CRIM1: variants seen among roughly 807,000 people sequenced by gnomAD.
CRIM1 encodes the protein cysteine rich transmembrane BMP regulator 1.
CRIM1 carries 32 observed loss-of-function variants against 116.4 expected under a neutral mutation model. The observed-to-expected ratio is 0.27, with a 90% CI of 0.21 to 0.37. The LOEUF is 0.37. CRIM1 is among the 10% of genes least tolerant of loss of function. The pLI, the probability that CRIM1 is intolerant of heterozygous loss-of-function variation, is 1.00. For synonymous variants in CRIM1, 590 were observed against 509.2 expected (o/e 1.16, Z -2.13); for missense variants, 1,331 against 1,354.8 (o/e 0.98, Z 0.28).
chr2:36,515,386 G>A (rs1394393883), intron 11 of CRIM1, among the ~76,000 whole-genome samples: 1 of 152,214 alleles, frequency 6.6e-6, no homozygotes, highest in African/African-American at 2.4e-5. Flanking sequence ...TCAACATCTG[G>A]ATATACGTGT....
At chr2:36,446,106 G>A (rs1676223562) in intron 4 of CRIM1, among the ~76,000 whole-genome samples, 1 of 152,302 alleles carries the variant, frequency 6.6e-6, no homozygotes, top group Non-Finnish European at 1.5e-5. Context: ...ATTACATTCA[G>A]TGAAAGTAAC....
intron 8 of CRIM1, among the ~76,000 whole-genome samples, chr2:36,502,422 A>G (rs1352862753): frequency 1.3e-5 from 2 of 152,170 alleles, no homozygotes; most frequent in Non-Finnish European, 2.9e-5. Flanking sequence ...TTTCATTCAC[A>G]CTTAGGAAGA....
chr2:36,482,532 A>G (rs1425482634), intron 7 of CRIM1, among the ~76,000 whole-genome samples: 4 of 152,264 alleles, frequency 2.6e-5, no homozygotes, highest in Admixed American at 6.5e-5. Context: ...TCATACTTAA[A>G]TATAATTTCA....
Position 36,539,972 on chromosome 2 carries a change from TAGAAA to T in CRIM1, c.2623+2435_2623+2439del, listed in dbSNP as rs797018743. On this transcript the variant is annotated intron_variant, in intron 14 of 16. Coordinates refer to ENST00000280527, the MANE Select transcript of CRIM1 (RefSeq NM_016441.3). ...GAGAGCACCGAAGGGTAAGAATAAA[TAGAAA>T]AGAAAAGAGAGCGCAGGACCGAGCC... Among the ~76,000 whole-genome samples, 25 of 151,872 alleles carry T rather than the reference TAGAAA, an allele frequency of 1.6e-4. 1 individual carries two copies. Among genetic ancestry groups the T allele is most frequent in the African/African-American group, 5.3e-4 (22 of 41,412 alleles).
chr2:36,523,113 C>A lies in CRIM1; in HGVS notation c.2428+800C>A, dbSNP rs532760820. Among the ~76,000 whole-genome samples, 3 of 152,106 alleles carry A rather than the reference C, an allele frequency of 2.0e-5. No homozygotes were observed. The South Asian group carries it at 6.2e-4, about 32-fold the overall frequency. ...GGAATTACAGGTGCCTGCCACCTCGCCTAGCTAATTTTTGTATTTTAGTAG... is the reference window on the plus strand; with the variant it reads ...GGAATTACAGGTGCCTGCCACCTCGACTAGCTAATTTTTGTATTTTAGTAG... On this transcript the variant is annotated intron_variant, in intron 13 of 16. Coordinates refer to ENST00000280527, the MANE Select transcript of CRIM1 (RefSeq NM_016441.3).
At chr2:36,400,310 TACTATGG>T (rs1229045737) in intron 2 of CRIM1, among the ~76,000 whole-genome samples, 1 of 151,946 alleles carries the variant, frequency 6.6e-6, no homozygotes, top group Non-Finnish European at 1.5e-5. Flanking sequence ...GGTTAGAAAT[TACTATGG>T]ATGATGTAGT....
At chr2:36,384,876 T>C (rs1207416104) in intron 1 of CRIM1, among the ~76,000 whole-genome samples, 1 of 152,236 alleles carries the variant, frequency 6.6e-6, no homozygotes, top group East Asian at 1.9e-4. Context: ...ACTAACCATG[T>C]GGATCTTAAT....
intron 4 of CRIM1, among the ~76,000 whole-genome samples, chr2:36,444,832 A>G (rs1235959094): frequency 6.6e-6 from 1 of 152,164 alleles, no homozygotes; most frequent in Non-Finnish European, 1.5e-5. Context: ...TCCCTTCTGC[A>G]TACATATAGG....
intron 13 of CRIM1, among the ~76,000 whole-genome samples, chr2:36,522,963 T>C (rs1003076913): frequency 6.6e-6 from 1 of 151,888 alleles, no homozygotes; most frequent in Non-Finnish European, 1.5e-5. Context: ...TGGTTTTTTT[T>C]TTCTTTTTTT....
intron 8 of CRIM1, among the ~76,000 whole-genome samples, chr2:36,502,439 T>A: frequency 6.6e-6 from 1 of 152,198 alleles, no homozygotes; most frequent in East Asian, 1.9e-4. Context: ...AAGAAATAGG[T>A]ACAGGAGGAG....
At chr2:36,387,571 A>G (rs1671258818) in intron 1 of CRIM1, among the ~76,000 whole-genome samples, 1 of 152,230 alleles carries the variant, frequency 6.6e-6, no homozygotes, top group South Asian at 2.1e-4. Context: ...CAGAGGGAAT[A>G]TAAGAGAGTT....
intron 6 of CRIM1, 66 bp downstream of exon 6, chr2:36,477,137 C>G (rs140782004): frequency 7.8e-7 from 1 of 1,288,396 alleles, no homozygotes; most frequent in Non-Finnish European, 1.1e-6. Flanking sequence ...AAATCAAAAT[C>G]GTCCTAATTC....
chr2:36,382,418 C>A (rs181272204), intron 1 of CRIM1, among the ~76,000 whole-genome samples: 2 of 152,358 alleles, frequency 1.3e-5, no homozygotes, highest in East Asian at 3.9e-4. Context: ...AAATTAACTT[C>A]TGTGCCCAGG....
Position 36,476,243 on chromosome 2 carries a change from T to C in CRIM1, c.992-646T>C, listed in dbSNP as rs78305806. ...TCAGTTGAAGAGCTACTGTTTTGGC[T>C]TCTGTCGTTTGCTGTGTGACTTTGA... is the stretch of plus-strand genomic sequence containing the variant. On this transcript the variant is annotated intron_variant, in intron 5 of 16. Transcript: ENST00000280527. 4.5e-3 allele frequency among the ~76,000 whole-genome samples: 678 copies of C among 152,306 alleles called. 6 individuals are homozygous for C. The highest frequency in any genetic ancestry group is 0.016 in the African/African-American group (652 of 41,558).
At chr2:36,522,895 T>C (rs1350250571) in intron 13 of CRIM1, among the ~76,000 whole-genome samples, 1 of 152,000 alleles carries the variant, frequency 6.6e-6, no homozygotes, top group Non-Finnish European at 1.5e-5. Context: ...ATCGGGGTCC[T>C]TGGCCAGTTC....
intron 2 of CRIM1, among the ~76,000 whole-genome samples, chr2:36,404,343 C>T (rs1340575109): frequency 2.0e-5 from 3 of 152,154 alleles, no homozygotes; most frequent in Non-Finnish European, 2.9e-5. Context: ...TGGTCAGACC[C>T]ACACCTGGAA....
intron 5 of CRIM1, among the ~76,000 whole-genome samples, chr2:36,474,864 A>AAAAAG (rs1312912360): frequency 1.9e-4 from 28 of 149,744 alleles, no homozygotes; most frequent in African/African-American, 6.7e-4. Context: ...AAAAAAAAAA[A>AAAAAG]AAGACTTTGA....
intron 12 of CRIM1, 96 bp downstream of exon 12, chr2:36,517,638 A>G: frequency 8.8e-6 from 11 of 1,247,898 alleles, no homozygotes; most frequent in Non-Finnish European, 1.1e-5. Context: ...TCAGCCCCAT[A>G]TGGGAGTGTG....
chr2:36,474,434 A>G (rs909473342), intron 5 of CRIM1, among the ~76,000 whole-genome samples: 1 of 152,210 alleles, frequency 6.6e-6, no homozygotes, highest in Non-Finnish European at 1.5e-5. Flanking sequence ...CTTCCTTCTA[A>G]GAGCACTGTA....
Sources: allele counts gnomAD v4.1 joint callset (sites outside exome capture counted in the v4.1 genomes callset), GRCh38; gene constraint gnomAD v4.1.1; transcripts MANE v1.5; gene names NCBI Gene and HGNC (gene_info 2026-07-23, HGNC 2026-07-21).